The following GALNT13 variants were observed in gnomAD, a reference collection of about 807,000 sequenced individuals.
GALNT13 encodes polypeptide N-acetylgalactosaminyltransferase 13, also known as UDP-GalNAc:polypeptide N-acetylgalactosaminyltransferase 13.
Under a neutral mutation model 64.2 loss-of-function variants are expected in GALNT13, and 28 were observed. The observed-to-expected ratio is 0.44, with a 90% CI of 0.32 to 0.60. GALNT13 has a LOEUF of 0.60. Ranked by LOEUF, GALNT13 falls within the 20% of genes least tolerant of loss-of-function variation. The probability of loss-of-function intolerance (pLI) is 0.05; values close to 1 mark genes in which losing one functional copy is unlikely to be tolerated. For synonymous variants in GALNT13, 214 were observed against 224.6 expected (o/e 0.95, Z 0.42); for missense variants, 577 against 669.8 (o/e 0.86, Z 1.53).
At chr2:154,374,437 C>T (rs975644148) in intron 9 of GALNT13, among the ~76,000 whole-genome samples, 1 of 151,946 alleles carries the variant, frequency 6.6e-6, no homozygotes, top group Non-Finnish European at 1.5e-5. Context: ...CAAGGAAAAC[C>T]GATGAGCTGT....
chr2:153,457,509 ATGT>A, the GALNT13 span, among the ~76,000 whole-genome samples: 2 of 152,200 alleles, frequency 1.3e-5, no homozygotes, highest in Non-Finnish European at 2.9e-5. Context: ...AAAAATAAAA[ATGT>A]TATTAAGCAC....
At chr2:154,024,715 G>C (rs565751649) in intron 3 of GALNT13, among the ~76,000 whole-genome samples, 1 of 152,090 alleles carries the variant, frequency 6.6e-6, no homozygotes, top group African/African-American at 2.4e-5. Flanking sequence ...TCTCCATCCA[G>C]CTTTGTTCCG....
At chr2:154,189,495 G>T (rs1686449894) in intron 4 of GALNT13, among the ~76,000 whole-genome samples, 1 of 126,840 alleles carries the variant, frequency 7.9e-6, no homozygotes, top group Non-Finnish European at 1.7e-5. Flanking sequence ...AAAAAAAAAA[G>T]GCGTGTGAGC....
At chr2:153,586,221 T>C in the GALNT13 span, among the ~76,000 whole-genome samples, 2 of 152,170 alleles carry the variant, frequency 1.3e-5, no homozygotes, top group Non-Finnish European at 2.9e-5. Context: ...TGAATATAAA[T>C]GGATTAAATG....
the GALNT13 span, among the ~76,000 whole-genome samples, chr2:153,416,047 C>T: frequency 6.6e-6 from 1 of 152,012 alleles, no homozygotes; most frequent in Non-Finnish European, 1.5e-5. Context: ...GAAATTAGGC[C>T]CTGTGTTAGA....
intron 8 of GALNT13, among the ~76,000 whole-genome samples, chr2:154,298,517 A>ATATATATAAAATTGTATATAT (rs1559075190): frequency 1.2e-5 from 1 of 86,378 alleles, no homozygotes; most frequent in Non-Finnish European, 2.4e-5. Context: ...TAAATTATAT[A>ATATATATAAAATTGTATATAT]TTATATATAA....
chr2:154,269,552 A>C (rs1226972737), intron 8 of GALNT13, among the ~76,000 whole-genome samples: 1 of 151,786 alleles, frequency 6.6e-6, no homozygotes, highest in African/African-American at 2.4e-5. Flanking sequence ...AGAGATTATT[A>C]GCCTTTTTAA....
In GALNT13 at chr2:154,310,515, T is replaced by C. The variant is rs1399647657; in HGVS notation, c.1156+8926T>C. ...TTATGTCCTGCAGTGTTTTACATAC[T>C]ATTTGCTTAGAATTATTATTCCATT... is the stretch of plus-strand genomic sequence containing the variant. On this transcript the variant is annotated intron_variant, in intron 9 of 12. Coordinates refer to ENST00000392825, the MANE Select transcript of GALNT13 (RefSeq NM_052917.4). Among the ~76,000 whole-genome samples the C allele has an allele frequency of 5.9e-5, 9 of 152,340 alleles. No homozygotes were observed. In the East Asian group the frequency reaches 1.7e-3, roughly 29 times the overall value.
chr2:153,269,666 G>A, the GALNT13 span, among the ~76,000 whole-genome samples: 3 of 152,094 alleles, frequency 2.0e-5, no homozygotes, highest in Middle Eastern at 3.4e-3. Flanking sequence ...GTATTAGTTC[G>A]TTTTCACACT....
chr2:153,840,702 T>C, the GALNT13 span, among the ~76,000 whole-genome samples: 1 of 152,088 alleles, frequency 6.6e-6, no homozygotes, highest in Non-Finnish European at 1.5e-5. Flanking sequence ...GTGGTGAGAA[T>C]TGCCTGGCAG....
chr2:153,672,338 TCA>T, the GALNT13 span, among the ~76,000 whole-genome samples: 1 of 152,102 alleles, frequency 6.6e-6, no homozygotes, highest in Admixed American at 6.5e-5. Context: ...AGAACAGAAA[TCA>T]CAACAAACTG....
At chr2:154,136,819 A>C (rs968932893) in intron 3 of GALNT13, among the ~76,000 whole-genome samples, 1 of 152,290 alleles carries the variant, frequency 6.6e-6, no homozygotes, top group South Asian at 2.1e-4. Flanking sequence ...TTTGAAGTCT[A>C]CGCCAGCTTT....
chr2:153,633,041 G>T, the GALNT13 span, among the ~76,000 whole-genome samples: 2 of 152,012 alleles, frequency 1.3e-5, no homozygotes, highest in African/African-American at 4.8e-5. Flanking sequence ...GATTACAGGC[G>T]TGAGCCACCA....
At chr2:153,924,256 A>T (rs972317076) in intron 2 of GALNT13, among the ~76,000 whole-genome samples, 1 of 106,782 alleles carries the variant, frequency 9.4e-6, no homozygotes, top group Non-Finnish European at 1.8e-5. Context: ...GTTTGCCCCC[A>T]TGTGTCTATG....
intron 9 of GALNT13, among the ~76,000 whole-genome samples, chr2:154,387,067 A>T (rs1447946754): frequency 6.6e-6 from 1 of 152,174 alleles, no homozygotes; most frequent in Non-Finnish European, 1.5e-5. Context: ...TAAATTCAAC[A>T]CATAATCACT....
the GALNT13 span, among the ~76,000 whole-genome samples, chr2:153,236,724 T>C: frequency 6.6e-6 from 1 of 152,116 alleles, no homozygotes; most frequent in Non-Finnish European, 1.5e-5. Flanking sequence ...ACCCAAGAGC[T>C]ATGATGGAGA....
chr2:154,340,807 T>A (rs1021566695), intron 9 of GALNT13, among the ~76,000 whole-genome samples: 13 of 152,148 alleles, frequency 8.5e-5, no homozygotes, highest in Non-Finnish European at 1.9e-4. Flanking sequence ...ACTAATAGTT[T>A]ACCAAATATC....
chr2:154,198,492 T>A (rs1291792733), intron 4 of GALNT13, among the ~76,000 whole-genome samples: 4 of 152,066 alleles, frequency 2.6e-5, no homozygotes, highest in African/African-American at 4.8e-5. Flanking sequence ...GTGTTTTCAA[T>A]AGTTAAAGTA....
intron 4 of GALNT13, among the ~76,000 whole-genome samples, chr2:154,177,008 C>T (rs112974434): frequency 0.015 from 2,316 of 152,264 alleles, 46 homozygotes; most frequent in African/African-American, 0.05. Flanking sequence ...TCCAAACTTA[C>T]TGAGTCATCA....
Sources: allele counts gnomAD v4.1 joint callset (sites outside exome capture counted in the v4.1 genomes callset), GRCh38; gene constraint gnomAD v4.1.1; transcripts MANE v1.5; gene names NCBI Gene and HGNC (gene_info 2026-07-23, HGNC 2026-07-21).